Variants in MARCHF1 observed in about 807,000 individuals in gnomAD.
MARCHF1 encodes E3 ubiquitin-protein ligase MARCHF1.
In MARCHF1, 40 loss-of-function variants were observed where a neutral mutation model predicts 54.2. That is an observed-to-expected ratio of 0.74 (90% CI 0.57 to 0.96). The LOEUF is 0.96. Ranked by LOEUF, MARCHF1 falls within the 40% of genes least tolerant of loss-of-function variation. MARCHF1 has a pLI of 0.00. For missense variants in MARCHF1, 586 were observed against 656.5 expected, an observed-to-expected ratio of 0.89 and a Z score of 1.17; for synonymous variants, 236 against 236.3, an observed-to-expected ratio of 1.00 and a Z score of 0.01.
chr4:164,086,506 G>A (rs1298243979), intron 2 of MARCHF1, among the ~76,000 whole-genome samples: 1 of 151,962 alleles, frequency 6.6e-6, no homozygotes, highest in African/African-American at 2.4e-5. Context: ...TATTATGAGT[G>A]ATATTTATTG....
rs544446967 is a variant in MARCHF1 at position 163,612,811 on chromosome 4, G to T, written c.470C>A (p.Thr157Lys). 2.5e-5 allele frequency: 39 copies of T among 1,535,128 alleles called. No individual in the cohort carries two copies. The highest frequency in any genetic ancestry group is 3.1e-5 in the Non-Finnish European group (36 of 1,146,508). The change falls in exon 7 of 10, where the codon ACA becomes AAA. Residue 157 changes from threonine (T) to lysine (K), a missense_variant. This residue lies in a region of MARCHF1 where 387 missense variants were observed against 394.6 expected (regional missense o/e 0.98). Transcript: ENST00000514618. ...TGTGGAAGATGAATCTGAAGAATCT[G>T]TGTAAAGCTCCCTCCACCTGGGGCT... is the stretch of plus-strand genomic sequence containing the variant. Reference protein sequence around the residue: ...ISSPRWRELYTDSSDSSSTDE... With the variant: ...ISSPRWRELYKDSSDSSSTDE...
At chr4:164,194,483 T>C (rs557171279) in intron 1 of MARCHF1, among the ~76,000 whole-genome samples, 4 of 152,084 alleles carry the variant, frequency 2.6e-5, no homozygotes, top group Admixed American at 2.6e-4. Flanking sequence ...ACATAGTTAA[T>C]TTTTTTTCAA....
Position 163,528,996 on chromosome 4 carries a change from A to G in MARCHF1, c.1390T>C (p.Phe464Leu), listed in dbSNP as rs1230095847. The change falls in exon 10 of 10, where the codon TTC (phenylalanine) becomes CTC (leucine). Residue 464 changes from phenylalanine to leucine, a missense_variant. Coordinates refer to ENST00000514618, the MANE Select transcript of MARCHF1 (RefSeq NM_001394959.1). ...TACATGAAGACAAGACCTCCTGTGA[A>G]GCCAATGGCTACCACAACCAGTTTT... is the stretch of plus-strand genomic sequence containing the variant. ...WTKLVVVAIG[F>L]TGGLVFMYVQ... 1 of 1,612,560 alleles carries G rather than the reference A, an allele frequency of 6.2e-7. No individual in the cohort carries two copies. The highest frequency in any genetic ancestry group is 1.7e-5 in the Admixed American group (1 of 59,850).
chr4:164,254,968 C>G (rs1189971945), intron 1 of MARCHF1, among the ~76,000 whole-genome samples: 2 of 152,176 alleles, frequency 1.3e-5, no homozygotes, highest in Non-Finnish European at 2.9e-5. Flanking sequence ...CAATCTCAAA[C>G]TCCTGACCTC....
At position 163,895,483 on chromosome 4, in the gene MARCHF1, C is replaced by T. The variant is rs568842210; in HGVS notation, c.-38-41314G>A. 2.6e-5 allele frequency among the ~76,000 whole-genome samples: 4 copies of T among 152,266 alleles called. No homozygotes were observed. In the East Asian group the frequency reaches 7.7e-4, roughly 29 times the overall value. Reference sequence around the variant, plus strand: ...TATCTAAACCGCAAATCACACTCTGCCACCTAAACCAGAAGTAAGGCAGAG... The same window carrying T: ...TATCTAAACCGCAAATCACACTCTGTCACCTAAACCAGAAGTAAGGCAGAG... On this transcript the variant is annotated intron_variant, in intron 3 of 9. Coordinates refer to ENST00000514618, the MANE Select transcript of MARCHF1 (RefSeq NM_001394959.1).
intron 1 of MARCHF1, among the ~76,000 whole-genome samples, chr4:164,209,027 T>C (rs1028740688): frequency 1.3e-5 from 2 of 149,808 alleles, no homozygotes; most frequent in Admixed American, 6.7e-5. Context: ...ATATTTATTA[T>C]ATATATTATA....
chr4:163,629,417 T>C (rs1413157572), intron 5 of MARCHF1, among the ~76,000 whole-genome samples: 1 of 152,130 alleles, frequency 6.6e-6, no homozygotes, highest in Non-Finnish European at 1.5e-5. Flanking sequence ...CAAGATGGAT[T>C]AAAGACTTAA....
chr4:163,727,305 C>A (rs1745686941), intron 4 of MARCHF1, among the ~76,000 whole-genome samples: 1 of 135,154 alleles, frequency 7.4e-6, no homozygotes, highest in South Asian at 2.4e-4. Flanking sequence ...AAATTCATTT[C>A]TTTTTTTTCT....
chr4:164,039,477 A>T (rs998084910), intron 2 of MARCHF1, among the ~76,000 whole-genome samples: 1 of 152,168 alleles, frequency 6.6e-6, no homozygotes, highest in Non-Finnish European at 1.5e-5. Flanking sequence ...TATTACCACC[A>T]CTGCCACAAG....
chr4:164,197,127 T>C (rs747025340), intron 1 of MARCHF1: 3 of 1,605,988 alleles, frequency 1.9e-6, no homozygotes, highest in Non-Finnish European at 8.5e-7. Context: ...CGTCCTCCTC[T>C]TCACCTTCCT....
chr4:164,176,976 CTCTCTATATATATATATA>C (rs1412268260), intron 1 of MARCHF1, among the ~76,000 whole-genome samples: 85 of 32,856 alleles, frequency 2.6e-3, no homozygotes, highest in African/African-American at 9.7e-3. Context: ...CTCTCTCTCT[CTCTCTATATATATATATA>C]TATATATATA....
intron 5 of MARCHF1, among the ~76,000 whole-genome samples, chr4:163,634,884 T>A (rs1742256386): frequency 7.5e-6 from 1 of 133,860 alleles, no homozygotes; most frequent in Admixed American, 7.9e-5. Context: ...GAACAGAGAT[T>A]ATAACAAACT....
chr4:164,368,416 A>G (rs535968263), intron 1 of MARCHF1, among the ~76,000 whole-genome samples: 162 of 152,128 alleles, frequency 1.1e-3, no homozygotes, highest in Non-Finnish European at 2.0e-3. Flanking sequence ...AAATACACCA[A>G]TACTAGAAGG....
chr4:163,874,611 A>G (rs1750250275), intron 3 of MARCHF1, among the ~76,000 whole-genome samples: 2 of 152,284 alleles, frequency 1.3e-5, no homozygotes, highest in South Asian at 4.1e-4. Flanking sequence ...TCATATAAAA[A>G]TTGTGTGGCT....
intron 1 of MARCHF1, among the ~76,000 whole-genome samples, chr4:164,234,070 G>T (rs1732483850): frequency 6.6e-6 from 1 of 152,062 alleles, no homozygotes; most frequent in South Asian, 2.1e-4. Context: ...TCTATCAATT[G>T]AGGTCTATTT....
chr4:163,680,728 C>T (rs1320102283), intron 5 of MARCHF1, among the ~76,000 whole-genome samples: 1 of 152,136 alleles, frequency 6.6e-6, no homozygotes, highest in Non-Finnish European at 1.5e-5. Context: ...ATATTTAGAA[C>T]CACCACTTCT....
chr4:164,000,673 A>C (rs780422744), intron 2 of MARCHF1, among the ~76,000 whole-genome samples: 2 of 151,766 alleles, frequency 1.3e-5, no homozygotes, highest in Non-Finnish European at 3.0e-5. Flanking sequence ...ATTTGAGCAG[A>C]GAACTAAGAA....
At chr4:163,800,984 A>C (rs1196175828) in intron 4 of MARCHF1, among the ~76,000 whole-genome samples, 1 of 152,098 alleles carries the variant, frequency 6.6e-6, no homozygotes, top group Non-Finnish European at 1.5e-5. Context: ...ACTATCTTAA[A>C]TCCTGTAGAC....
chr4:164,112,581 A>G (rs1332818026), intron 1 of MARCHF1, among the ~76,000 whole-genome samples: 2 of 151,940 alleles, frequency 1.3e-5, no homozygotes, highest in East Asian at 3.8e-4. Context: ...TATGAAGTCA[A>G]TGTACATAGA....
Sources: gnomAD v4.1 joint callset for allele counts (sites outside exome capture counted in the v4.1 genomes callset) on GRCh38, gnomAD v4.1.1 for gene constraint, gnomAD v4.1.1 regional missense constraint, MANE v1.5 for transcripts, NCBI Gene and HGNC (gene_info 2026-07-23, HGNC 2026-07-21) for gene names.